Variants in ATP13A3 observed in about 807,000 individuals in gnomAD.
ATP13A3 encodes the protein ATPase 13A3.
Under a neutral mutation model 158.1 loss-of-function variants are expected in ATP13A3, and 59 were observed. That is an observed-to-expected ratio of 0.37 (90% CI 0.30 to 0.46). The LOEUF (loss-of-function observed/expected upper bound fraction) is 0.46, where lower values mean the gene tolerates loss of function less well. Among genes scored for constraint, ATP13A3 ranks in the 20% least tolerant of loss-of-function variants. The pLI is 1.00. For missense variants in ATP13A3, 1,166 were observed against 1,525.2 expected, an observed-to-expected ratio of 0.76 and a Z score of 3.92; for synonymous variants, 491 against 504.3, an observed-to-expected ratio of 0.97 and a Z score of 0.35.
At chr3:194,416,204 A>G (rs1715838808) in intron 31 of ATP13A3, among the ~76,000 whole-genome samples, 1 of 152,210 alleles carries the variant, frequency 6.6e-6, no homozygotes, top group African/African-American at 2.4e-5. Context: ...TCACACCTGC[A>G]ATCCCAGCAC....
intron 33 of ATP13A3, among the ~76,000 whole-genome samples, chr3:194,407,393 A>G (rs775697992): frequency 1.3e-5 from 2 of 152,238 alleles, no homozygotes; most frequent in Non-Finnish European, 2.9e-5. Flanking sequence ...CTATAGATGT[A>G]TTTTGAAACA....
At chr3:194,430,006 T>C (rs1717100580) in intron 26 of ATP13A3, 66 bp downstream of exon 26, 3 of 1,361,012 alleles carry the variant, frequency 2.2e-6, no homozygotes, top group Non-Finnish European at 3.1e-6. Context: ...CTTTTTATGA[T>C]AATTTTCTCT....
At chr3:194,474,539 T>C (rs1720442446) in intron 2 of ATP13A3, among the ~76,000 whole-genome samples, 1 of 152,144 alleles carries the variant, frequency 6.6e-6, no homozygotes, top group Non-Finnish European at 1.5e-5. Flanking sequence ...AACCAAATGA[T>C]AAATAAGCCT....
intron 2 of ATP13A3, among the ~76,000 whole-genome samples, chr3:194,472,427 G>A (rs774100789): frequency 6.6e-5 from 10 of 152,074 alleles, no homozygotes; most frequent in Admixed American, 2.6e-4. Flanking sequence ...AAAAGGTTTT[G>A]AGCTACACAA....
At position 194,455,932 on chromosome 3, in the gene ATP13A3, A is replaced by T; in HGVS notation, c.591T>A (p.Ala197=). The change falls in exon 8 of 34, where the codon GCT becomes GCA. Residue 197 remains alanine (A), a synonymous_variant. Transcript: ENST00000645319. The stretch of plus-strand genomic sequence containing the variant: ...GCTTAAAAACAGAAGGCACTTTTAC[A>T]GCAATTTCATTTACTCCATAAAGCA... ...RKLLYGVNEI[A]VKVPSVFKLL... 6.4e-7 allele frequency: 1 copy of T among 1,556,032 alleles called. No homozygotes were observed. The highest frequency in any genetic ancestry group is 8.7e-7 in the Non-Finnish European group (1 of 1,143,246).
rs1670149977 is a variant in ATP13A3, at chr3:194,403,212, A to G, written c.*2707T>C. 1 of 152,230 alleles carries G rather than the reference A, an allele frequency of 6.6e-6. No individual in the cohort carries two copies. The highest frequency in any genetic ancestry group is 1.9e-4 in the East Asian group (1 of 5,204). The allele number at this position is 152,230 out of a possible 1,614,324, so 9.4% of individuals were successfully genotyped here. ...GTGCAGGACTTTCATAAACATGGGG[A>G]ACAAAATAAATAGAGTAAAAACTGC... On this transcript the variant is annotated 3_prime_UTR_variant, in exon 34 of 34. Transcript: ENST00000645319.
Position 194,402,969 on chromosome 3 carries a change from CCA to C in ATP13A3, c.*2948_*2949del, listed in dbSNP as rs1340360334. On this transcript the variant is annotated 3_prime_UTR_variant, in exon 34 of 34. Coordinates refer to ENST00000645319, the MANE Select transcript of ATP13A3 (RefSeq NM_001367549.1). The stretch of plus-strand genomic sequence containing the variant: ...TAATACATTAAAAATGTGTAAATGC[CCA>C]CAGACTGTACAAAAATTAACACCCC... 2.6e-5 allele frequency: 4 copies of C among 152,076 alleles called. No homozygotes were observed. Among genetic ancestry groups the C allele is most frequent in the East Asian group, 1.9e-4 (1 of 5,184 alleles). The allele number at this position is 152,076 out of a possible 1,614,324, so 9.4% of individuals were successfully genotyped here. A position where few individuals can be genotyped will look rare whatever the true frequency, so the allele number is the denominator to read the frequency against.
chr3:194,444,381 T>C (rs1718253384), intron 15 of ATP13A3, among the ~76,000 whole-genome samples: 2 of 152,186 alleles, frequency 1.3e-5, no homozygotes, highest in Admixed American at 6.5e-5. Flanking sequence ...TGGATAAATC[T>C]TGAAAACAAA....
chr3:194,477,611 T>G (rs1720581112), intron 2 of ATP13A3, among the ~76,000 whole-genome samples: 1 of 152,194 alleles, frequency 6.6e-6, no homozygotes, highest in Non-Finnish European at 1.5e-5. Context: ...TGTTCAGAAG[T>G]TAACACATAA....
chr3:194,491,641 G>A (rs1191420930), upstream of ATP13A3, among the ~76,000 whole-genome samples: 30 of 64,900 alleles, frequency 4.6e-4, no homozygotes, highest in Admixed American at 4.4e-3. Flanking sequence ...TCTCTGACCT[G>A]GCATGTCCCC....
chr3:194,487,095 A>AGGGGCGGGGC (rs1721040420), upstream of ATP13A3: 2 of 137,700 alleles, frequency 1.5e-5, no homozygotes, highest in Non-Finnish European at 3.2e-5. Context: ...AGGGGCGGGG[A>AGGGGCGGGGC]GGGGCGGGGC....
intron 17 of ATP13A3, 21 bp from the exon 18 acceptor site, chr3:194,437,594 G>A (rs1338144540): frequency 6.3e-7 from 1 of 1,587,332 alleles, no homozygotes; most frequent in South Asian, 1.1e-5. Context: ...AACAAAACAA[G>A]AAAAAATAGT....
At chr3:194,425,608 C>G (rs929315755) in intron 29 of ATP13A3, 79 bp from the exon 30 acceptor site, 7 of 1,102,650 alleles carry the variant, frequency 6.3e-6, no homozygotes, top group African/African-American at 1.6e-5. Flanking sequence ...ACCTTAATTG[C>G]CCTGAATCAC....
At chr3:194,453,304 G>T (rs940745999) in intron 10 of ATP13A3, among the ~76,000 whole-genome samples, 4 of 139,050 alleles carry the variant, frequency 2.9e-5, no homozygotes, top group Non-Finnish European at 4.7e-5. Flanking sequence ...AAAAAAAAAA[G>T]GCCGGGTGCA....
chr3:194,419,337 AC>A (rs749569784), intron 31 of ATP13A3, among the ~76,000 whole-genome samples: 4 of 151,996 alleles, frequency 2.6e-5, no homozygotes, highest in Non-Finnish European at 4.4e-5. Flanking sequence ...TGGTAACGTT[AC>A]CTTTTTTTTG....
intron 30 of ATP13A3, 99 bp downstream of exon 30, chr3:194,425,243 G>A (rs761132337): frequency 1.1e-5 from 12 of 1,121,690 alleles, no homozygotes; most frequent in Middle Eastern, 4.3e-4. Context: ...TATCTGTGAA[G>A]ATCTGGTTTA....
chr3:194,406,018 G>C lies in ATP13A3; in HGVS notation c.3672C>G (p.Leu1224=), dbSNP rs761900591. 1 of 1,614,162 alleles carries C rather than the reference G, an allele frequency of 6.2e-7. No individual in the cohort carries two copies. The highest frequency in any genetic ancestry group is 1.1e-5 in the South Asian group (1 of 91,082). ...TTGGTGGCCATTCTGGATCAACCAA[G>C]AGCTCCTGCGCCAGATACATGTACT... is the stretch of plus-strand genomic sequence containing the variant. ...KAKYMYLAQE[L]LVDPEWPPKP... Residue 1224 remains leucine, a synonymous_variant, in exon 34 of 34, where the codon CTC becomes CTG. Coordinates refer to ENST00000645319, the MANE Select transcript of ATP13A3 (RefSeq NM_001367549.1).
intron 31 of ATP13A3, among the ~76,000 whole-genome samples, chr3:194,416,294 T>C (rs866637097): frequency 1.3e-5 from 2 of 152,128 alleles, no homozygotes; most frequent in South Asian, 2.1e-4. Context: ...CCATCTCTAC[T>C]AAGAACACAA....
intron 32 of ATP13A3, among the ~76,000 whole-genome samples, chr3:194,413,376 C>T (rs1011291572): frequency 4.6e-5 from 7 of 152,140 alleles, no homozygotes; most frequent in Non-Finnish European, 7.4e-5. Context: ...CCTCCCCCTT[C>T]CCCCCTCCCT....
Sources: allele counts gnomAD v4.1 joint callset (sites outside exome capture counted in the v4.1 genomes callset), GRCh38; gene constraint gnomAD v4.1.1; transcripts MANE v1.5; gene names NCBI Gene and HGNC (gene_info 2026-07-23, HGNC 2026-07-21).